The following CFAP52 variants were observed in gnomAD, a reference collection of about 807,000 sequenced individuals.
CFAP52 encodes the protein cilia- and flagella-associated protein 52.
CFAP52 carries 57 observed loss-of-function variants against 70.5 expected under a neutral mutation model. The ratio of observed to expected loss-of-function variants is 0.81; its 90% CI spans 0.65 to 1.01. The LOEUF (loss-of-function observed/expected upper bound fraction) is 1.01. Among genes scored for constraint, CFAP52 ranks in the 50% least tolerant of loss-of-function variants. CFAP52 has a pLI of 0.00. For missense variants in CFAP52, 785 were observed against 788.5 expected, an observed-to-expected ratio of 1.00 and a Z score of 0.05; for synonymous variants, 267 against 292.5, an observed-to-expected ratio of 0.91 and a Z score of 0.89.
chr17:9,587,520 C>T (rs933127043), intron 3 of CFAP52, among the ~76,000 whole-genome samples: 3 of 152,176 alleles, frequency 2.0e-5, no homozygotes, highest in Admixed American at 1.3e-4. Context: ...TTTGCAACCT[C>T]ACCAGCATCT....
chr17:9,587,484 C>T (rs960257348), intron 3 of CFAP52, among the ~76,000 whole-genome samples: 7 of 152,286 alleles, frequency 4.6e-5, no homozygotes, highest in African/African-American at 1.7e-4. Context: ...ACTCTCCCAC[C>T]AACAGTACCT....
chr17:9,588,503 C>T (rs983353539), intron 3 of CFAP52, among the ~76,000 whole-genome samples: 8 of 152,182 alleles, frequency 5.3e-5, no homozygotes, highest in African/African-American at 1.9e-4. Flanking sequence ...TTGATGAGAG[C>T]TGCTGCTGAA....
chr17:9,635,515 C>T lies in CFAP52; in HGVS notation c.1431C>T (p.Val477=). The change falls in exon 11 of 14, where the codon GTC becomes GTT. Residue 477 remains valine (V), a synonymous_variant. Coordinates refer to ENST00000352665, the MANE Select transcript of CFAP52 (RefSeq NM_145054.5). Reference sequence around the variant, plus strand: ...TGAAGAGGAACAACGAGGAGTGTGTCACCGCCAGCACCGATGGGACTTGTA... The same window carrying T: ...TGAAGAGGAACAACGAGGAGTGTGTTACCGCCAGCACCGATGGGACTTGTA... The part of the protein sequence containing the change: ...IRVKRNNEEC[V]TASTDGTCII... 1 of 1,614,204 alleles carries T rather than the reference C, an allele frequency of 6.2e-7. No individual in the cohort carries two copies. The highest frequency in any genetic ancestry group is 8.5e-7 in the Non-Finnish European group (1 of 1,180,046).
intron 9 of CFAP52, among the ~76,000 whole-genome samples, chr17:9,629,385 C>T (rs1310259220): frequency 6.6e-6 from 1 of 152,172 alleles, no homozygotes; most frequent in East Asian, 1.9e-4. Context: ...CATACTGCTT[C>T]ACATCAATGA....
intron 8 of CFAP52, 55 bp from the exon 9 acceptor site, chr17:9,628,617 T>C (rs748343871): frequency 4.0e-5 from 64 of 1,588,366 alleles, no homozygotes; most frequent in Non-Finnish European, 5.2e-5. Context: ...GTGTCAAATA[T>C]GCATCTGGGA....
intron 4 of CFAP52, among the ~76,000 whole-genome samples, chr17:9,595,031 C>T (rs1015974293): frequency 4.0e-5 from 6 of 151,528 alleles, no homozygotes; most frequent in African/African-American, 1.5e-4. Flanking sequence ...CCTGGGATTA[C>T]AGGTGCCCGC....
At chr17:9,645,484 C>T (rs1257590683), downstream of CFAP52, 2 of 769,358 alleles carry the variant, frequency 2.6e-6, no homozygotes, top group Non-Finnish European at 3.4e-6. This position sits in a 1 kb window ranked among gnomAD's most constrained non-coding sequence, Gnocchi z 6.8. Flanking sequence ...CGGGGCTGCC[C>T]CGCCCTTGGC....
At chr17:9,588,383 CAA>C (rs768477260) in intron 3 of CFAP52, among the ~76,000 whole-genome samples, 7 of 152,208 alleles carry the variant, frequency 4.6e-5, no homozygotes, top group Non-Finnish European at 1.0e-4. Context: ...CCCAGAGAGA[CAA>C]AGAGTTAAGT....
At chr17:9,583,627 A>G (rs1336611218) in intron 1 of CFAP52, among the ~76,000 whole-genome samples, 1 of 152,128 alleles carries the variant, frequency 6.6e-6, no homozygotes, top group Non-Finnish European at 1.5e-5. Flanking sequence ...TATAAAAATC[A>G]TTTTCCCTTA....
At chr17:9,580,336 G>C (rs935929549) in intron 1 of CFAP52, among the ~76,000 whole-genome samples, 3 of 92,526 alleles carry the variant, frequency 3.2e-5, no homozygotes, top group African/African-American at 1.1e-4. Flanking sequence ...AAAAAAAAAA[G>C]CCAGACCCTG....
chr17:9,645,499 C>A, downstream of CFAP52: 1 of 902,388 alleles, frequency 1.1e-6, no homozygotes, highest in Non-Finnish European at 1.4e-6. This position sits in a 1 kb window ranked among gnomAD's most constrained non-coding sequence, Gnocchi z 6.8. Flanking sequence ...CTTGGCTCCG[C>A]CTCCGCCCCG....
chr17:9,629,842 G>A (rs1228139605), intron 9 of CFAP52, among the ~76,000 whole-genome samples: 3 of 151,932 alleles, frequency 2.0e-5, no homozygotes, highest in South Asian at 2.1e-4. Context: ...CACCCGCCTC[G>A]GCCTCCCAAA....
At chr17:9,631,223 C>G (rs540365164) in intron 9 of CFAP52, among the ~76,000 whole-genome samples, 13 of 152,056 alleles carry the variant, frequency 8.5e-5, no homozygotes, top group Non-Finnish European at 1.3e-4. Context: ...TCCTCCTTTA[C>G]CTTCTTACCT....
intron 1 of CFAP52, among the ~76,000 whole-genome samples, chr17:9,585,418 C>T (rs965449807): frequency 6.6e-6 from 1 of 152,132 alleles, no homozygotes; most frequent in Non-Finnish European, 1.5e-5. Context: ...CCTGTAATCC[C>T]AGCACTTTGG....
chr17:9,601,377 G>A (rs944560831), intron 6 of CFAP52, among the ~76,000 whole-genome samples: 27 of 151,866 alleles, frequency 1.8e-4, no homozygotes, highest in African/African-American at 3.6e-4. Flanking sequence ...AAACCTGCAC[G>A]TTGTGCACAT....
At chr17:9,578,699 C>T (rs1908078902) in intron 1 of CFAP52, among the ~76,000 whole-genome samples, 1 of 152,150 alleles carries the variant, frequency 6.6e-6, no homozygotes, top group South Asian at 2.1e-4. Context: ...GCACCCACCA[C>T]CACGCCTGGC....
At chr17:9,632,065 G>A (rs988812889) in intron 9 of CFAP52, among the ~76,000 whole-genome samples, 32 of 144,382 alleles carry the variant, frequency 2.2e-4, no homozygotes, top group South Asian at 8.8e-4. Context: ...GAGCCACTGC[G>A]CCCAGCCTCC....
chr17:9,634,789 C>T (rs760768674), intron 10 of CFAP52, among the ~76,000 whole-genome samples: 2 of 152,070 alleles, frequency 1.3e-5, no homozygotes, highest in Non-Finnish European at 2.9e-5. Context: ...ACCATACTAA[C>T]TAAACAACTT....
intron 9 of CFAP52, among the ~76,000 whole-genome samples, chr17:9,630,698 G>T (rs1409425780): frequency 1.3e-5 from 2 of 151,366 alleles, no homozygotes; most frequent in Non-Finnish European, 2.9e-5. Context: ...CCAAAGTGCT[G>T]GGATTACAGG....
Sources: allele counts gnomAD v4.1 joint callset (sites outside exome capture counted in the v4.1 genomes callset), GRCh38; gene constraint gnomAD v4.1.1; non-coding constraint Gnocchi (gnomAD v3.1); transcripts MANE v1.5; gene names NCBI Gene and HGNC (gene_info 2026-07-23, HGNC 2026-07-21).